The following RSPO3 variants were observed in gnomAD, a reference collection of about 807,000 sequenced individuals.
RSPO3 encodes the protein R-spondin-3.
Under a neutral mutation model 36.5 loss-of-function variants are expected in RSPO3, and 17 were observed. The ratio of observed to expected loss-of-function variants is 0.47; its 90% CI spans 0.32 to 0.70. RSPO3 has a LOEUF of 0.70. Ranked by LOEUF, RSPO3 falls within the 30% of genes least tolerant of loss-of-function variation. The pLI is 0.04. For synonymous variants in RSPO3, 108 were observed against 107.0 expected (o/e 1.01, Z -0.06); for missense variants, 294 against 322.5 (o/e 0.91, Z 0.68).
At chr6:127,140,782 C>T (rs980070115) in intron 1 of RSPO3, among the ~76,000 whole-genome samples, 3 of 152,176 alleles carry the variant, frequency 2.0e-5, no homozygotes, top group East Asian at 1.9e-4. Context: ...TAGCACTCAA[C>T]GCATTGCAGC....
chr6:127,119,150 CAAAA>C lies in RSPO3; in HGVS notation c.-42_-39del, dbSNP rs754262118. 5.0e-6 allele frequency: 7 copies of C among 1,388,760 alleles called. No homozygotes were observed. Among genetic ancestry groups the C allele is most frequent in the African/African-American group, 2.9e-5 (2 of 69,576 alleles). 86.0% of individuals were successfully genotyped at this position (1,388,760 alleles called of 1,614,324 possible). The stretch of plus-strand genomic sequence containing the variant: ...AAAAACATTAAATATAATTAACAAT[CAAAA>C]GAAAGAGGAGAAAGGAAGGGAAGCA... On this transcript the variant is annotated 5_prime_UTR_variant, in exon 1 of 5. Coordinates refer to ENST00000356698, the MANE Select transcript of RSPO3 (RefSeq NM_032784.5).
At position 127,196,172 on chromosome 6, in the gene RSPO3, C is replaced by A. The variant is rs1775511898; in HGVS notation, c.*165C>A. 2.2e-6 allele frequency: 1 copy of A among 463,046 alleles called. No individual in the cohort carries two copies. Among genetic ancestry groups the A allele is most frequent in the Non-Finnish European group, 3.6e-6 (1 of 273,982 alleles). 28.7% of individuals were successfully genotyped at this position (463,046 alleles called of 1,614,324 possible). On this transcript the variant is annotated 3_prime_UTR_variant, in exon 5 of 5. Coordinates refer to ENST00000356698, the MANE Select transcript of RSPO3 (RefSeq NM_032784.5). ...TTCTTCATACAAGCATAGTTAACAA[C>A]AAAGAGCCAAAAGATCAAAGAAGGG...
chr6:127,130,672 A>G lies in RSPO3; in HGVS notation c.97+11383A>G, dbSNP rs7749348. Among the ~76,000 whole-genome samples, 1,168 of 152,250 alleles carry G rather than the reference A, an allele frequency of 7.7e-3. 13 individuals carry two copies. The highest frequency in any genetic ancestry group is 0.027 in the African/African-American group (1,112 of 41,560). On this transcript the variant is annotated intron_variant, in intron 1 of 4. Coordinates refer to ENST00000356698, the MANE Select transcript of RSPO3 (RefSeq NM_032784.5). ...AAGAATCCTAATTTTGGAAAAACTT[A>G]GCAAAATTTTTTGCTGTGTTTACTT...
intron 4 of RSPO3, among the ~76,000 whole-genome samples, chr6:127,191,388 T>C (rs1245778467): frequency 6.6e-6 from 1 of 152,138 alleles, no homozygotes; most frequent in Non-Finnish European, 1.5e-5. Context: ...TACAGGTTCT[T>C]GGGCCCCTCA....
chr6:127,134,010 T>C (rs555317678), intron 1 of RSPO3, among the ~76,000 whole-genome samples: 33 of 152,294 alleles, frequency 2.2e-4, no homozygotes, highest in African/African-American at 7.5e-4. Flanking sequence ...TACCTCTTTT[T>C]TGATTTGTTT....
Position 127,119,330 on chromosome 6 carries a change from C to T in RSPO3, c.97+41C>T, listed in dbSNP as rs539487516. 2.2e-5 allele frequency: 32 copies of T among 1,444,994 alleles called. No homozygotes were observed. In the Admixed American group the frequency reaches 2.8e-4, roughly 12 times the overall value. 89.5% of individuals were successfully genotyped at this position (1,444,994 alleles called of 1,614,324 possible). On this transcript the variant is annotated intron_variant, in intron 1 of 4. Coordinates refer to ENST00000356698, the MANE Select transcript of RSPO3 (RefSeq NM_032784.5). ...TTTACGCGTTTGCTCCCTCCCGCCG[C>T]GTTCACCTGTCGGGTCGCTTTGCCT... is the stretch of plus-strand genomic sequence containing the variant.
chr6:127,187,147 T>TA (rs1775311914), intron 4 of RSPO3, among the ~76,000 whole-genome samples: 1 of 152,028 alleles, frequency 6.6e-6, no homozygotes, highest in Non-Finnish European at 1.5e-5. Flanking sequence ...GTACGAGTGT[T>TA]ACAAAAAAAA....
At chr6:127,178,298 A>C (rs1405399474) in intron 4 of RSPO3, among the ~76,000 whole-genome samples, 2 of 151,752 alleles carry the variant, frequency 1.3e-5, no homozygotes, top group Non-Finnish European at 2.9e-5. Flanking sequence ...TCATAACAGA[A>C]TATGTGTCTT....
chr6:127,160,953 A>AT lies in RSPO3; in HGVS notation c.634+5522dup, dbSNP rs951462699. Among the ~76,000 whole-genome samples, 13 of 151,362 alleles carry AT rather than the reference A, an allele frequency of 8.6e-5. 1 individual carries two copies. The highest frequency in any genetic ancestry group is 2.6e-4 in the Admixed American group (4 of 15,192). On this transcript the variant is annotated intron_variant, in intron 4 of 4. Coordinates refer to ENST00000356698, the MANE Select transcript of RSPO3 (RefSeq NM_032784.5). The stretch of plus-strand genomic sequence containing the variant: ...GACTTATTCTCTGTTTTTATTTGAT[A>AT]TTTTTTTCTCCTTAGCTATATTACT...
intron 4 of RSPO3, among the ~76,000 whole-genome samples, chr6:127,160,566 A>C (rs529453921): frequency 1.3e-5 from 2 of 152,312 alleles, no homozygotes; most frequent in African/African-American, 4.8e-5. Context: ...TTCTGCAGTC[A>C]CATTTATACC....
intron 1 of RSPO3, among the ~76,000 whole-genome samples, chr6:127,143,661 T>C (rs1436048538): frequency 6.6e-6 from 1 of 152,214 alleles, no homozygotes; most frequent in Non-Finnish European, 1.5e-5. Context: ...TAGCTACAAA[T>C]AAATGATCAT....
At chr6:127,159,400 G>A (rs1297173049) in intron 4 of RSPO3, among the ~76,000 whole-genome samples, 1 of 152,082 alleles carries the variant, frequency 6.6e-6, no homozygotes, top group African/African-American at 2.4e-5. Flanking sequence ...GAAGAAGTGA[G>A]GTGGAGGTCT....
At chr6:127,166,785 T>C (rs1296245314) in intron 4 of RSPO3, among the ~76,000 whole-genome samples, 1 of 152,026 alleles carries the variant, frequency 6.6e-6, no homozygotes, top group African/African-American at 2.4e-5. Flanking sequence ...TGTTTCCTCA[T>C]ATCCTGACTC....
intron 1 of RSPO3, 53 bp downstream of exon 1, chr6:127,119,342 G>A (rs935106414): frequency 7.4e-7 from 1 of 1,359,544 alleles, no homozygotes. Flanking sequence ...TTCACCTGTC[G>A]GGTCGCTTTG....
At chr6:127,191,975 T>G (rs566771186) in intron 4 of RSPO3, among the ~76,000 whole-genome samples, 1 of 152,320 alleles carries the variant, frequency 6.6e-6, no homozygotes, top group South Asian at 2.1e-4. Context: ...AGATTCACCA[T>G]GTCCTTGCAT....
At chr6:127,168,099 A>G (rs564481616) in intron 4 of RSPO3, among the ~76,000 whole-genome samples, 14 of 152,222 alleles carry the variant, frequency 9.2e-5, no homozygotes, top group Admixed American at 2.0e-4. Context: ...ATGATGTATA[A>G]TCCTTTGGGT....
At chr6:127,150,873 T>C (rs1380547041) in intron 3 of RSPO3, among the ~76,000 whole-genome samples, 1 of 151,760 alleles carries the variant, frequency 6.6e-6, no homozygotes, top group Non-Finnish European at 1.5e-5. Flanking sequence ...TTTATTTAAT[T>C]ATTTAATGAA....
intron 1 of RSPO3, among the ~76,000 whole-genome samples, chr6:127,123,628 TA>T (rs1773887166): frequency 6.6e-6 from 1 of 152,122 alleles, no homozygotes; most frequent in Non-Finnish European, 1.5e-5. Context: ...ACAAGAACGT[TA>T]GAAATGGTAA....
intron 1 of RSPO3, among the ~76,000 whole-genome samples, chr6:127,122,467 C>T (rs961321154): frequency 6.6e-6 from 1 of 152,116 alleles, no homozygotes; most frequent in Non-Finnish European, 1.5e-5. Context: ...GTTGCTTGGG[C>T]CCTGAAATAG....
Sources: gnomAD v4.1 joint callset for allele counts (sites outside exome capture counted in the v4.1 genomes callset) on GRCh38, gnomAD v4.1.1 for gene constraint, MANE v1.5 for transcripts, NCBI Gene and HGNC (gene_info 2026-07-23, HGNC 2026-07-21) for gene names.